FRK: variants seen among roughly 807,000 people sequenced by gnomAD.
FRK encodes fyn related Src family tyrosine kinase, also known as tyrosine-protein kinase FRK.
FRK carries 51 observed loss-of-function variants against 56.4 expected under a neutral mutation model. The observed-to-expected ratio is 0.90, with a 90% CI of 0.72 to 1.14. The LOEUF (loss-of-function observed/expected upper bound fraction) is 1.14, where lower values mean the gene tolerates loss of function less well. Among genes scored for constraint, FRK ranks in the 50% most tolerant of loss-of-function variants. FRK has a pLI of 0.00. For synonymous variants in FRK, 245 were observed against 217.9 expected (o/e 1.12, Z -1.10); for missense variants, 570 against 601.4 (o/e 0.95, Z 0.55).
In FRK at chr6:115,943,068, C is replaced by T; in HGVS notation, c.1258G>A (p.Gly420Arg). 1 of 1,613,256 alleles carries T rather than the reference C, an allele frequency of 6.2e-7. No homozygotes were observed. The highest frequency in any genetic ancestry group is 8.5e-7 in the Non-Finnish European group (1 of 1,179,644). The part of the protein sequence containing the change: ...FSIKSDVWSF[G>R]ILLYEIITYG... ...GTAATGATTTCATAAAGAAGGATTCCAAATGACCATACATCGGACTTAATG... is the reference window on the plus strand; with the variant it reads ...GTAATGATTTCATAAAGAAGGATTCTAAATGACCATACATCGGACTTAATG... Residue 420 changes from glycine (G) to arginine (R), a missense_variant, in exon 7 of 8, where the codon GGA (glycine) becomes AGA (arginine). Transcript: ENST00000606080.
chr6:116,002,423 C>T (rs977419437), intron 2 of FRK, among the ~76,000 whole-genome samples: 1 of 152,156 alleles, frequency 6.6e-6, no homozygotes, highest in Non-Finnish European at 1.5e-5. Context: ...TCGAGACCAT[C>T]CTGGCCAACA....
At chr6:115,990,110 T>A (rs1774540242) in intron 2 of FRK, among the ~76,000 whole-genome samples, 1 of 151,878 alleles carries the variant, frequency 6.6e-6, no homozygotes, top group South Asian at 2.1e-4. Context: ...GTCCTCAACT[T>A]ACTTTTTAAT....
At chr6:116,094,151 C>T in the FRK span, among the ~76,000 whole-genome samples, 2 of 152,158 alleles carry the variant, frequency 1.3e-5, no homozygotes, top group African/African-American at 4.8e-5. Flanking sequence ...CAACAAGAAA[C>T]AAGCTGCCCC....
intron 5 of FRK, among the ~76,000 whole-genome samples, chr6:115,948,967 T>C (rs1175518070): frequency 1.3e-5 from 2 of 152,168 alleles, no homozygotes. Flanking sequence ...TAATAATACT[T>C]ACCTCATAAT....
At chr6:115,996,496 C>T (rs866555899) in intron 2 of FRK, among the ~76,000 whole-genome samples, 1 of 152,060 alleles carries the variant, frequency 6.6e-6, no homozygotes, top group Non-Finnish European at 1.5e-5. Flanking sequence ...GTTTCCTCTA[C>T]AAAAGTCTTA....
chr6:115,998,326 C>A (rs760384749), intron 2 of FRK, among the ~76,000 whole-genome samples: 8 of 152,180 alleles, frequency 5.3e-5, no homozygotes, highest in Non-Finnish European at 1.0e-4. Context: ...CAATTACTTT[C>A]TGCCTAAAAC....
At chr6:116,006,656 T>C (rs1775259795) in intron 1 of FRK, among the ~76,000 whole-genome samples, 1 of 152,142 alleles carries the variant, frequency 6.6e-6, no homozygotes, top group Non-Finnish European at 1.5e-5. Flanking sequence ...AATGAAATAC[T>C]ATGTAGAAAT....
the FRK span, among the ~76,000 whole-genome samples, chr6:116,069,949 G>A: frequency 6.6e-6 from 1 of 152,074 alleles, no homozygotes; most frequent in Non-Finnish European, 1.5e-5. Flanking sequence ...AGTTTGTGCG[G>A]CAGGAATTTA....
At chr6:116,052,782 T>C (rs911862057) in intron 1 of FRK, among the ~76,000 whole-genome samples, 1 of 152,116 alleles carries the variant, frequency 6.6e-6, no homozygotes, top group African/African-American at 2.4e-5. Flanking sequence ...GGTCGAAGAC[T>C]GAAAGACACT....
the FRK span, among the ~76,000 whole-genome samples, chr6:116,090,946 A>G: frequency 6.6e-6 from 1 of 152,240 alleles, no homozygotes; most frequent in Non-Finnish European, 1.5e-5. Context: ...TTAACATTTA[A>G]TTAAATTTCA....
chr6:115,975,986 A>T (rs1773977805), intron 2 of FRK, among the ~76,000 whole-genome samples: 1 of 152,112 alleles, frequency 6.6e-6, no homozygotes, highest in South Asian at 2.1e-4. Flanking sequence ...ACCACCGGTC[A>T]CCTGATTATT....
chr6:115,958,032 G>C lies in FRK; in HGVS notation c.800-1422C>G, dbSNP rs57376687. On this transcript the variant is annotated intron_variant, in intron 4 of 7. Coordinates refer to ENST00000606080, the MANE Select transcript of FRK (RefSeq NM_002031.3). ...CAGGCTAAGGAAGAAAAAGGACAAG[G>C]ACTTAAAGAGAGAGAATAGGAGAAA... 3.9e-4 allele frequency among the ~76,000 whole-genome samples: 59 copies of C among 152,258 alleles called. 1 individual carries two copies. In the East Asian group the frequency reaches 7.9e-3, roughly 20 times the overall value.
chr6:115,980,082 T>C (rs1774139128), intron 2 of FRK, among the ~76,000 whole-genome samples: 1 of 152,150 alleles, frequency 6.6e-6, no homozygotes, highest in Non-Finnish European at 1.5e-5. Flanking sequence ...TTCTTAATAG[T>C]AAATACACTA....
chr6:116,045,263 C>A (rs182885766), intron 1 of FRK, among the ~76,000 whole-genome samples: 67 of 152,230 alleles, frequency 4.4e-4, no homozygotes, highest in African/African-American at 1.6e-3. Flanking sequence ...CAAAAAAGAG[C>A]CCACATAGCC....
rs1772784503 is a variant in FRK, at chr6:115,952,174, G to A, written c.958+4278C>T. ...TGGTAGTTTCTTTTGCTATGCAGAA[G>A]CTCTTTAGTTTAATTAGATCCCATT... On this transcript the variant is annotated intron_variant, in intron 5 of 7. Coordinates refer to ENST00000606080, the MANE Select transcript of FRK (RefSeq NM_002031.3). 2.0e-5 allele frequency among the ~76,000 whole-genome samples: 3 copies of A among 152,078 alleles called. No homozygotes were observed. In the South Asian group the frequency reaches 6.2e-4, roughly 31 times the overall value.
the FRK span, among the ~76,000 whole-genome samples, chr6:116,071,142 T>C: frequency 3.3e-5 from 5 of 152,144 alleles, no homozygotes; most frequent in Non-Finnish European, 7.4e-5. Context: ...ATCATCAAAG[T>C]AAACATGGTC....
At chr6:115,953,390 C>T (rs933950953) in intron 5 of FRK, among the ~76,000 whole-genome samples, 4 of 151,416 alleles carry the variant, frequency 2.6e-5, no homozygotes, top group East Asian at 1.9e-4. Context: ...GGGGTTTCAC[C>T]GTTTTAGCCG....
In FRK at chr6:116,060,807, TC is replaced by T. The variant is rs1260998733; in HGVS notation, c.-497del. On this transcript the variant is annotated 5_prime_UTR_variant, in exon 1 of 8. An upstream open reading frame in the 5' UTR gains an earlier in-frame stop. Coordinates refer to ENST00000606080, the MANE Select transcript of FRK (RefSeq NM_002031.3). ...GTTCCTGTCTTTCGACCAGTCCGGA[TC>T]TGGACGGCTCTCTCCTTTTTGCTAA... is the stretch of plus-strand genomic sequence containing the variant. The T allele has an allele frequency of 5.2e-5, 8 of 155,232 alleles. No homozygotes were observed. The highest frequency in any genetic ancestry group is 1.9e-4 in the African/African-American group (8 of 41,478). The allele number at this position is 155,232 out of a possible 1,614,324, so 9.6% of individuals were successfully genotyped here.
At chr6:115,998,341 C>G (rs1052853217) in intron 2 of FRK, among the ~76,000 whole-genome samples, 5 of 152,166 alleles carry the variant, frequency 3.3e-5, no homozygotes, top group Admixed American at 1.3e-4. Flanking sequence ...TAAAACTTTG[C>G]TCTGTAGAAC....
Sources: gnomAD v4.1 joint callset for allele counts (sites outside exome capture counted in the v4.1 genomes callset) on GRCh38, gnomAD v4.1.1 for gene constraint, MANE v1.5 for transcripts, NCBI Gene and HGNC (gene_info 2026-07-23, HGNC 2026-07-21) for gene names.